GRIK3: variants seen among roughly 807,000 people sequenced by gnomAD.
GRIK3 encodes the protein glutamate receptor ionotropic, kainate 3.
In GRIK3, 29 loss-of-function variants were observed where a neutral mutation model predicts 102.5. That is an observed-to-expected ratio of 0.28 (90% CI 0.21 to 0.39). GRIK3 has a LOEUF of 0.39. Ranked by LOEUF, GRIK3 falls within the 10% of genes least tolerant of loss-of-function variation. The pLI is 1.00. For missense variants in GRIK3, 908 were observed against 1,252.4 expected (o/e 0.73, Z 4.15); for synonymous variants, 511 against 504.9 (o/e 1.01, Z -0.16).
In GRIK3 at chr1:36,859,259, G is replaced by A; in HGVS notation, c.961-8C>T. ...CAGTAAGGCTGCATCAGTCTGCAGG[G>A]AAGGGCCTGCCTGAGAGCGGCTCCC... is the stretch of plus-strand genomic sequence containing the variant. On this transcript the variant is annotated splice_polypyrimidine_tract_variant and splice_region_variant and intron_variant, in intron 6 of 15. Coordinates refer to ENST00000373091, the MANE Select transcript of GRIK3 (RefSeq NM_000831.4). 1.9e-6 allele frequency: 3 copies of A among 1,598,788 alleles called. No homozygotes were observed. Among genetic ancestry groups the A allele is most frequent in the Non-Finnish European group, 2.6e-6 (3 of 1,168,692 alleles).
chr1:36,998,108 T>C (rs1486800505), intron 1 of GRIK3, among the ~76,000 whole-genome samples: 2 of 152,206 alleles, frequency 1.3e-5, no homozygotes, highest in Non-Finnish European at 2.9e-5. Context: ...CAGGCTCATC[T>C]TATAGGGGCC....
intron 3 of GRIK3, among the ~76,000 whole-genome samples, chr1:36,873,265 G>GTTTTTT (rs1302196161): frequency 6.6e-6 from 1 of 151,850 alleles, no homozygotes; most frequent in Admixed American, 6.6e-5. Flanking sequence ...TTTGTTTTTT[G>GTTTTTT]TTTTTCCTCC....
chr1:36,957,681 TCTGTGCCCCATGAGC>T, intron 1 of GRIK3, among the ~76,000 whole-genome samples: 1 of 138,212 alleles, frequency 7.2e-6, no homozygotes, highest in African/African-American at 2.8e-5. Context: ...GCCCCGTGAC[TCTGTGCCCCATGAGC>T]CTGTGTGCCC....
intron 13 of GRIK3, among the ~76,000 whole-genome samples, chr1:36,813,758 CG>C (rs35192142): frequency 1.6e-5 from 1 of 64,258 alleles, no homozygotes; most frequent in Non-Finnish European, 3.1e-5. Flanking sequence ...GGGGGCGGGG[CG>C]GGGGGTGGTG....
intron 1 of GRIK3, among the ~76,000 whole-genome samples, chr1:36,998,944 A>G (rs1642446979): frequency 6.6e-6 from 1 of 151,898 alleles, no homozygotes; most frequent in Admixed American, 6.6e-5. Flanking sequence ...GAGCCTCTCT[A>G]ACCTCTGCCC....
intron 1 of GRIK3, among the ~76,000 whole-genome samples, chr1:37,031,073 C>T (rs982716639): frequency 1.3e-5 from 2 of 151,994 alleles, no homozygotes; most frequent in Non-Finnish European, 2.9e-5. Context: ...AGAATCTATG[C>T]ATTAAACTGC....
At chr1:36,927,939 C>T (rs775987272) in intron 1 of GRIK3, among the ~76,000 whole-genome samples, 4 of 152,234 alleles carry the variant, frequency 2.6e-5, no homozygotes, top group Non-Finnish European at 4.4e-5. Flanking sequence ...ATTCCGCCTC[C>T]GGAATTGTGT....
chr1:36,865,830 C>G (rs1640778730), intron 5 of GRIK3, among the ~76,000 whole-genome samples: 1 of 152,142 alleles, frequency 6.6e-6, no homozygotes, highest in Non-Finnish European at 1.5e-5. Flanking sequence ...GTGCAAAGTG[C>G]CCTGTTGCTG....
chr1:37,019,367 G>A (rs750965085), intron 1 of GRIK3, among the ~76,000 whole-genome samples: 1 of 152,176 alleles, frequency 6.6e-6, no homozygotes, highest in African/African-American at 2.4e-5. Context: ...GTGAAATGGA[G>A]ATGCAGCCTC....
intron 2 of GRIK3, among the ~76,000 whole-genome samples, chr1:36,884,944 A>G (rs1641021446): frequency 6.6e-6 from 1 of 152,208 alleles, no homozygotes; most frequent in Non-Finnish European, 1.5e-5. Context: ...GGGAGAGTGG[A>G]CCAACACAAA....
At chr1:36,953,552 C>T (rs1369936619) in intron 1 of GRIK3, among the ~76,000 whole-genome samples, 1 of 151,934 alleles carries the variant, frequency 6.6e-6, no homozygotes, top group African/African-American at 2.4e-5. Context: ...GTGGTGATGA[C>T]AATGGCCTAG....
intron 1 of GRIK3, among the ~76,000 whole-genome samples, chr1:36,919,781 G>C (rs1641446520): frequency 6.6e-6 from 1 of 152,258 alleles, no homozygotes; most frequent in African/African-American, 2.4e-5. Flanking sequence ...CCCTGCAGTG[G>C]AGGACTGGAG....
In GRIK3 at chr1:36,955,201, C is replaced by A. The variant is rs976622261; in HGVS notation, c.116-64105G>T. Among the ~76,000 whole-genome samples the A allele has an allele frequency of 2.6e-5, 4 of 152,340 alleles. No homozygotes were observed. In the East Asian group the frequency reaches 7.7e-4, roughly 29 times the overall value. ...GCTGCTTCCCCTCCTGAAATAGCAG[C>A]CCTAAATAAGTGACAGCCCACCTGG... is the stretch of plus-strand genomic sequence containing the variant. On this transcript the variant is annotated intron_variant, in intron 1 of 15. Transcript: ENST00000373091.
At chr1:37,015,707 C>T (rs1190207016) in intron 1 of GRIK3, among the ~76,000 whole-genome samples, 1 of 152,158 alleles carries the variant, frequency 6.6e-6, no homozygotes, top group Admixed American at 6.5e-5. Flanking sequence ...CCCATTTCCC[C>T]CAACTCCGGC....
chr1:36,940,792 C>T (rs1293752902), intron 1 of GRIK3, among the ~76,000 whole-genome samples: 1 of 152,220 alleles, frequency 6.6e-6, no homozygotes, highest in Non-Finnish European at 1.5e-5. Context: ...ACAGAGCTCA[C>T]ACTCATGGCA....
At chr1:36,973,334 C>G (rs1031882773) in intron 1 of GRIK3, among the ~76,000 whole-genome samples, 1 of 152,050 alleles carries the variant, frequency 6.6e-6, no homozygotes. Context: ...GCTGTTTCTT[C>G]CACCAAAAAC....
chr1:36,866,923 T>C (rs1419793626), intron 5 of GRIK3, among the ~76,000 whole-genome samples: 1 of 152,226 alleles, frequency 6.6e-6, no homozygotes, highest in Non-Finnish European at 1.5e-5. Flanking sequence ...TGCCAGCTTC[T>C]ATGTGGGTGC....
At chr1:36,861,480 G>GTGTGCT (rs1443679261) in intron 5 of GRIK3, among the ~76,000 whole-genome samples, 1 of 152,150 alleles carries the variant, frequency 6.6e-6, no homozygotes, top group Non-Finnish European at 1.5e-5. Flanking sequence ...CACACTTGGG[G>GTGTGCT]TGTGCTTGAC....
At chr1:37,003,118 G>C (rs498765) in intron 1 of GRIK3, among the ~76,000 whole-genome samples, 1 of 149,396 alleles carries the variant, frequency 6.7e-6, no homozygotes, top group African/African-American at 2.5e-5. Context: ...AGGGAGCGTA[G>C]AGTCAAATGT....
Sources: allele counts gnomAD v4.1 joint callset (sites outside exome capture counted in the v4.1 genomes callset), GRCh38; gene constraint gnomAD v4.1.1; transcripts MANE v1.5; gene names NCBI Gene and HGNC (gene_info 2026-07-23, HGNC 2026-07-21).